NPC1: variants seen among roughly 807,000 people sequenced by gnomAD.
NPC1 encodes Niemann-Pick C1 protein.
Under a neutral mutation model 140.4 loss-of-function variants are expected in NPC1, and 85 were observed. The observed-to-expected ratio is 0.61, with a 90% CI of 0.51 to 0.72. NPC1 has a LOEUF of 0.72. Among genes scored for constraint, NPC1 ranks in the 30% least tolerant of loss-of-function variants. The pLI is 0.00. For synonymous variants in NPC1, 656 were observed against 624.8 expected, an observed-to-expected ratio of 1.05 and a Z score of -0.74; for missense variants, 1,504 against 1,623.8, an observed-to-expected ratio of 0.93 and a Z score of 1.27.
intron 1 of NPC1, among the ~76,000 whole-genome samples, chr18:23,578,300 A>G (rs980283272): frequency 6.6e-6 from 1 of 152,246 alleles, no homozygotes; most frequent in Non-Finnish European, 1.5e-5. Context: ...AACTTGTCCA[A>G]GGTCACAGTG....
rs375307057 is a variant in NPC1 at position 23,554,880 on chromosome 18, C to T, written c.1431G>A (p.Thr477=). The T allele has an allele frequency of 1.9e-4, 309 of 1,614,032 alleles. No homozygotes were observed. The highest frequency in any genetic ancestry group is 7.6e-4 in the East Asian group (34 of 44,882). Residue 477 remains threonine (T), a synonymous_variant, in exon 9 of 25, where the codon ACG becomes ACA. Transcript: ENST00000269228. ...TTAACACACTCAAAATGGTGCAGTT[C>T]GTGTTATACGGTGAAAGAGGGGCCA... is the stretch of plus-strand genomic sequence containing the variant. The part of the protein sequence containing the change: ...ICLAPLSPYN[T]NCTILSVLNY...
At chr18:23,575,911 A>T (rs2059270634) in intron 1 of NPC1, among the ~76,000 whole-genome samples, 4 of 151,996 alleles carry the variant, frequency 2.6e-5, no homozygotes, top group African/African-American at 9.7e-5. Flanking sequence ...ACACAGTGAA[A>T]CCCTGTCTCT....
At chr18:23,559,457 T>C (rs1191384963) in intron 6 of NPC1, among the ~76,000 whole-genome samples, 1 of 151,504 alleles carries the variant, frequency 6.6e-6, no homozygotes, top group Non-Finnish European at 1.5e-5. Flanking sequence ...TCCATTTAAT[T>C]AGATTTGAAT....
downstream of NPC1, among the ~76,000 whole-genome samples, chr18:23,524,649 G>A (rs2058240956): frequency 6.6e-6 from 1 of 151,564 alleles, no homozygotes; most frequent in Admixed American, 6.6e-5. Flanking sequence ...TACTATATGT[G>A]CATTTTATCA....
chr18:23,562,261 C>T (rs2059052754), intron 4 of NPC1, among the ~76,000 whole-genome samples: 1 of 148,630 alleles, frequency 6.7e-6, no homozygotes, highest in Admixed American at 6.8e-5. Context: ...TGCACTCCAG[C>T]GTGGGTGACA....
intron 8 of NPC1, among the ~76,000 whole-genome samples, chr18:23,555,347 A>G (rs2058934801): frequency 6.6e-6 from 1 of 152,238 alleles, no homozygotes. Flanking sequence ...CCTCCTCTCA[A>G]TAGTAACACA....
chr18:23,581,977 G>C (rs1371828312), intron 1 of NPC1: 5 of 152,276 alleles, frequency 3.3e-5, no homozygotes, highest in African/African-American at 1.2e-4. Flanking sequence ...ACAGTGTATA[G>C]ACGGACTTTT....
downstream of NPC1, chr18:23,529,069 C>T (rs754655689): frequency 3.0e-5 from 44 of 1,483,564 alleles, no homozygotes; most frequent in African/African-American, 7.1e-5. Context: ...AAGTGTTTTC[C>T]GCTCATATCC....
chr18:23,577,726 G>T (rs796886029), intron 1 of NPC1, among the ~76,000 whole-genome samples: 10 of 141,218 alleles, frequency 7.1e-5, no homozygotes, highest in South Asian at 2.1e-4. Flanking sequence ...GGCCACGGAG[G>T]GGGTGGGAGG....
At chr18:23,568,248 G>A (rs142273234) in intron 4 of NPC1, among the ~76,000 whole-genome samples, 1 of 151,892 alleles carries the variant, frequency 6.6e-6, no homozygotes, top group African/African-American at 2.4e-5. Context: ...AGGTTGCCTT[G>A]TATGTCACAT....
chr18:23,541,342 G>C lies in NPC1; in HGVS notation c.2337C>G (p.Phe779Leu). 1.9e-6 allele frequency: 3 copies of C among 1,614,216 alleles called. No individual in the cohort carries two copies. The highest frequency in any genetic ancestry group is 2.5e-6 in the Non-Finnish European group (3 of 1,180,040). ...TAATGTCTAACCCCAAGAGACTCAC[G>C]AAACAGGTAATCTGCAGAAGAAAGT... The part of the protein sequence containing the change: ...FIDFLLQITC[F>L]VSLLGLDIKR... Residue 779 changes from phenylalanine to leucine, a missense_variant, in exon 15 of 25, where the codon TTC becomes TTG. Physicochemically the swap from Phe to Leu is conservative, Grantham distance 22. Transcript: ENST00000269228.
Position 23,535,681 on chromosome 18 carries a change from C to T in NPC1, c.3265G>A (p.Glu1089Lys), listed in dbSNP as rs374526072. The stretch of plus-strand genomic sequence containing the variant: ...TCGTCAATGATGGTCAGGTACTGTT[C>T]GTAGAAGACATAAAACACACTGGAG... ...FPYSVFYVFY[E>K]QYLTIIDDTI... is the part of the protein sequence containing the mutation. Residue 1089 changes from glutamate (E) to lysine (K), a missense_variant, in exon 22 of 25, where the codon GAA becomes AAA. By Grantham distance (56) the Glu-to-Lys change is moderately conservative. Transcript: ENST00000269228. The T allele has an allele frequency of 1.2e-6, 2 of 1,613,686 alleles. No homozygotes were observed. The highest frequency in any genetic ancestry group is 1.7e-6 in the Non-Finnish European group (2 of 1,179,672).
chr18:23,571,865 C>T (rs2059208748), intron 3 of NPC1, among the ~76,000 whole-genome samples: 1 of 151,528 alleles, frequency 6.6e-6, no homozygotes. Context: ...CACACGCATG[C>T]ATACACATTA....
intron 9 of NPC1, 136 bp downstream of exon 9, chr18:23,554,621 AG>A: frequency 9.1e-6 from 6 of 656,294 alleles, no homozygotes; most frequent in South Asian, 3.5e-5. Flanking sequence ...AAAAAAAAAA[AG>A]ATGATGTAAA....
intron 4 of NPC1, among the ~76,000 whole-genome samples, chr18:23,567,529 T>C (rs1189116516): frequency 6.6e-6 from 1 of 152,252 alleles, no homozygotes; most frequent in Non-Finnish European, 1.5e-5. Context: ...ATATTTTGAA[T>C]AACAGTCCTT....
At chr18:23,529,164 G>T (rs1567934931), downstream of NPC1, 4 of 1,606,458 alleles carry the variant, frequency 2.5e-6, no homozygotes, top group South Asian at 1.1e-5. Flanking sequence ...ATAGTTTGTG[G>T]TTTTTTTCTT....
In NPC1 at chr18:23,579,839, C is replaced by T. The variant is rs563874729; in HGVS notation, c.58-6265G>A. Reference sequence around the variant, plus strand: ...GGCGGAGGTTGCAGTAAGCTGAGATCGCACCGCTGCACTCCAGCCTGGGTA... The same window carrying T: ...GGCGGAGGTTGCAGTAAGCTGAGATTGCACCGCTGCACTCCAGCCTGGGTA... On this transcript the variant is annotated intron_variant, in intron 1 of 24. Transcript: ENST00000269228. Among the ~76,000 whole-genome samples, 56 of 151,386 alleles carry T rather than the reference C, an allele frequency of 3.7e-4. No homozygotes were observed. In the South Asian group the frequency reaches 8.8e-3, roughly 24 times the overall value.
downstream of NPC1, chr18:23,519,310 G>A (rs2058086548): frequency 2.8e-6 from 2 of 718,350 alleles, no homozygotes; most frequent in African/African-American, 1.8e-5. Context: ...TTGAGCCCAG[G>A]AGTTCGAGAC....
At chr18:23,554,627 T>C (rs1465602159) in intron 9 of NPC1, 131 bp downstream of exon 9, 2 of 689,634 alleles carry the variant, frequency 2.9e-6, no homozygotes, top group African/African-American at 1.8e-5. Context: ...AAAAAGATGA[T>C]GTAAACTTCA....
Sources: gnomAD v4.1 joint callset for allele counts (sites outside exome capture counted in the v4.1 genomes callset) on GRCh38, gnomAD v4.1.1 for gene constraint, MANE v1.5 for transcripts, NCBI Gene and HGNC (gene_info 2026-07-23, HGNC 2026-07-21) for gene names.